The following ANKRD7 variants were observed in gnomAD, a reference collection of about 807,000 sequenced individuals.
The protein encoded by ANKRD7 is ankyrin repeat domain-containing protein 7.
ANKRD7 carries 30 observed loss-of-function variants against 30.8 expected under a neutral mutation model. The ratio of observed to expected loss-of-function variants is 0.97; its 90% CI spans 0.73 to 1.32. The LOEUF is 1.32. Ranked by LOEUF, ANKRD7 falls within the 40% of genes most tolerant of loss-of-function variation. ANKRD7 has a pLI of 0.00. For missense variants in ANKRD7, 264 were observed against 295.7 expected, an observed-to-expected ratio of 0.89 and a Z score of 0.79; for synonymous variants, 97 against 106.6, an observed-to-expected ratio of 0.91 and a Z score of 0.55.
intron 1 of ANKRD7, among the ~76,000 whole-genome samples, chr7:118,232,416 T>G (rs1378430058): frequency 6.6e-6 from 1 of 152,052 alleles, no homozygotes; most frequent in Non-Finnish European, 1.5e-5. Context: ...TTTTCAGTGT[T>G]TTGTGCATGC....
chr7:118,241,617 C>T (rs1809848460), intron 6 of ANKRD7, among the ~76,000 whole-genome samples: 1 of 142,426 alleles, frequency 7.0e-6, no homozygotes, highest in Non-Finnish European at 1.5e-5. Flanking sequence ...TCAGCTCACT[C>T]CAATTTCTGC....
In ANKRD7 at chr7:118,236,207, C is replaced by CGTGTGTGTGTGTGT. The variant is rs370465561; in HGVS notation, c.575+62_575+63insGTGTGTGTGTGTGT. ...GCTACCTGATAGGATTGTGTGTGTG[C>CGTGTGTGTGTGTGT]GTATGTGTGTGTGTGTGTGTGTGTG... On this transcript the variant is annotated intron_variant, in intron 4 of 6. Coordinates refer to ENST00000265224, the MANE Select transcript of ANKRD7 (RefSeq NM_019644.4). The CGTGTGTGTGTGTGT allele has an allele frequency of 5.7e-4, 340 of 595,906 alleles. 12 individuals carry two copies. Among genetic ancestry groups the CGTGTGTGTGTGTGT allele is most frequent in the East Asian group, 4.7e-3 (147 of 31,422 alleles). The allele number at this position is 595,906 out of a possible 1,614,324, so 36.9% of individuals were successfully genotyped here. A position where few individuals can be genotyped will look rare whatever the true frequency, so the allele number is the denominator to read the frequency against.
intron 3 of ANKRD7, among the ~76,000 whole-genome samples, chr7:118,235,635 C>T (rs1164895311): frequency 2.1e-5 from 3 of 140,170 alleles, no homozygotes; most frequent in Non-Finnish European, 4.6e-5. Flanking sequence ...AAAAAAAAAG[C>T]GTATTGATAC....
intron 1 of ANKRD7, among the ~76,000 whole-genome samples, chr7:118,233,876 G>T (rs1809681994): frequency 6.6e-6 from 1 of 152,074 alleles, no homozygotes; most frequent in African/African-American, 2.4e-5. Flanking sequence ...AGGCTACCTA[G>T]AATAGGGTTC....
chr7:118,241,305 A>T (rs1265938148), intron 6 of ANKRD7, among the ~76,000 whole-genome samples: 4 of 151,696 alleles, frequency 2.6e-5, no homozygotes, highest in Non-Finnish European at 5.9e-5. Context: ...ACTAGCAAGC[A>T]GACTCCTCCA....
At chr7:118,234,173 T>TA (rs1172720311) in intron 1 of ANKRD7, among the ~76,000 whole-genome samples, 1 of 152,298 alleles carries the variant, frequency 6.6e-6, no homozygotes, top group South Asian at 2.1e-4. Flanking sequence ...TGGTATTTTT[T>TA]AAAAAATCTA....
chr7:118,227,896 A>T (rs747542153), intron 1 of ANKRD7: 1 of 1,321,320 alleles, frequency 7.6e-7, no homozygotes, highest in African/African-American at 1.7e-5. Flanking sequence ...GCTTATTGAT[A>T]GTATTATGTC....
rs1293305952 is a variant in ANKRD7, at chr7:118,234,715, A to C, written c.309A>C (p.Gln103His). 2.5e-6 allele frequency: 4 copies of C among 1,608,646 alleles called. No individual in the cohort carries two copies. The highest frequency in any genetic ancestry group is 3.4e-6 in the Non-Finnish European group (4 of 1,178,640). ...KSPLIKAVQC[Q>H]NEDCATILLN... ...TGCATTAACAGGCAGTACAGTGTCA[A>C]AATGAGGATTGTGCTACTATTCTTC... The change falls in exon 3 of 7, where the codon CAA becomes CAC. Residue 103 changes from glutamine (Q) to histidine (H), a missense_variant. Physicochemically the swap from Gln to His is conservative, Grantham distance 24. Transcript: ENST00000265224.
chr7:118,234,965 A>T (rs766888994), intron 3 of ANKRD7, 91 bp downstream of exon 3: 18 of 1,110,470 alleles, frequency 1.6e-5, no homozygotes, highest in Non-Finnish European at 2.2e-5. Flanking sequence ...AATATATGTT[A>T]TATAAAGCAT....
chr7:118,235,438 C>G (rs989632370), intron 3 of ANKRD7, among the ~76,000 whole-genome samples: 1 of 151,862 alleles, frequency 6.6e-6, no homozygotes, highest in African/African-American at 2.4e-5. Flanking sequence ...TGGTGAAACC[C>G]CGTCTCTACT....
rs1442461745 is a variant in ANKRD7 at position 118,241,520 on chromosome 7, CCTTTTTTTTTT to C, written c.*38-828_*38-818del. On this transcript the variant is annotated intron_variant, in intron 6 of 6. Transcript: ENST00000265224. ...CTTAGGGGAGAATTTCTCTGAATTACCTTTTTTTTTTTTTTTTTTTTTTTTTTTTCTGTTTT... is the reference window on the plus strand; with the variant it reads ...CTTAGGGGAGAATTTCTCTGAATTACTTTTTTTTTTTTTTTTTTCTGTTTT... Among the ~76,000 whole-genome samples the C allele has an allele frequency of 3.7e-3, 315 of 85,878 alleles. 1 individual carries two copies. The highest frequency in any genetic ancestry group is 0.013 in the African/African-American group (300 of 23,020). The allele number at this position is 85,878 out of a possible 152,430, so 56.3% of individuals were successfully genotyped here. A position where few individuals can be genotyped will look rare whatever the true frequency, so the allele number is the denominator to read the frequency against.
At chr7:118,228,961 C>T (rs1237758654) in intron 1 of ANKRD7, among the ~76,000 whole-genome samples, 3 of 152,160 alleles carry the variant, frequency 2.0e-5, no homozygotes, top group African/African-American at 7.2e-5. Context: ...AACTTCCAAT[C>T]ACTTTCCATC....
At chr7:118,236,634 C>G (rs1380262901) in intron 4 of ANKRD7, among the ~76,000 whole-genome samples, 156 bp from the exon 5 acceptor site, 1 of 152,126 alleles carries the variant, frequency 6.6e-6, no homozygotes, top group Non-Finnish European at 1.5e-5. Context: ...GACTGGCACA[C>G]TTTTTTGAGC....
chr7:118,231,524 C>A (rs1809638009), intron 1 of ANKRD7, among the ~76,000 whole-genome samples: 1 of 152,034 alleles, frequency 6.6e-6, no homozygotes, highest in Non-Finnish European at 1.5e-5. Context: ...TTCTCCTTCA[C>A]TCACCCTGAA....
chr7:118,238,763 A>C (rs1346568206), intron 5 of ANKRD7, among the ~76,000 whole-genome samples: 1 of 152,166 alleles, frequency 6.6e-6, no homozygotes, highest in Non-Finnish European at 1.5e-5. Context: ...ATGGAGCAAA[A>C]GTATATTCAT....
Position 118,239,972 on chromosome 7 carries a change from C to T in ANKRD7, c.*11C>T, listed in dbSNP as rs1809798232. 1.9e-6 allele frequency: 3 copies of T among 1,582,614 alleles called. No individual in the cohort carries two copies. The highest frequency in any genetic ancestry group is 2.6e-6 in the Non-Finnish European group (3 of 1,160,768). On this transcript the variant is annotated 3_prime_UTR_variant, in exon 6 of 7. Coordinates refer to ENST00000265224, the MANE Select transcript of ANKRD7 (RefSeq NM_019644.4). ...AAACATGCTAAATAGACACCTTATT[C>T]TTGGCACTACATGTGACTAAAGGAA...
intron 1 of ANKRD7, among the ~76,000 whole-genome samples, chr7:118,232,676 C>T (rs1584723656): frequency 6.6e-6 from 1 of 151,092 alleles, no homozygotes; most frequent in Non-Finnish European, 1.5e-5. Context: ...TTGTGGAGGA[C>T]CTATTGGGAA....
At chr7:118,228,948 C>T (rs561392832) in intron 1 of ANKRD7, among the ~76,000 whole-genome samples, 104 of 152,202 alleles carry the variant, frequency 6.8e-4, no homozygotes, top group African/African-American at 1.5e-3. Flanking sequence ...TCCTTGTTTT[C>T]GTAACTTCCA....
At position 118,234,723 on chromosome 7, in the gene ANKRD7, A is replaced by T; in HGVS notation, c.317A>T (p.Asp106Val). 1 of 1,609,944 alleles carries T rather than the reference A, an allele frequency of 6.2e-7. No individual in the cohort carries two copies. Among genetic ancestry groups the T allele is most frequent in the East Asian group, 2.2e-5 (1 of 44,770 alleles). Residue 106 changes from aspartate to valine, a missense_variant, in exon 3 of 7, where the codon GAT (aspartate) becomes GTT (valine). Physicochemically the swap from Asp to Val is radical, Grantham distance 152 (BLOSUM62 -3). Coordinates refer to ENST00000265224, the MANE Select transcript of ANKRD7 (RefSeq NM_019644.4). ...CAGGCAGTACAGTGTCAAAATGAGG[A>T]TTGTGCTACTATTCTTCTAAACTTT... Reference protein sequence around the residue: ...LIKAVQCQNEDCATILLNFGA... With the variant: ...LIKAVQCQNEVCATILLNFGA...
Sources: allele counts gnomAD v4.1 joint callset (sites outside exome capture counted in the v4.1 genomes callset), GRCh38; gene constraint gnomAD v4.1.1; transcripts MANE v1.5; gene names NCBI Gene and HGNC (gene_info 2026-07-23, HGNC 2026-07-21).